Variants in LRP1B observed in about 807,000 individuals in gnomAD.
The protein encoded by LRP1B is low-density lipoprotein receptor-related protein 1B.
A neutral mutation model predicts 556.6 loss-of-function variants in LRP1B; 217 were observed. The ratio of observed to expected loss-of-function variants is 0.39; its 90% confidence interval spans 0.35 to 0.44. The LOEUF is 0.44. Among genes scored for constraint, LRP1B ranks in the 20% least tolerant of loss-of-function variants. The pLI, the probability that LRP1B is intolerant of heterozygous loss-of-function variation, is 1.00. For missense variants in LRP1B, 5,053 were observed against 5,620.8 expected (o/e 0.90, Z 3.23); for synonymous variants, 2,047 against 1,865.8 (o/e 1.10, Z -2.50).
At chr2:141,599,066 C>CCG (rs1687638410) in intron 2 of LRP1B, among the ~76,000 whole-genome samples, 1 of 78,708 alleles carries the variant, frequency 1.3e-5, no homozygotes, top group Admixed American at 1.5e-4. Flanking sequence ...CCCCCCCCCC[C>CCG]CCCCCCCCGC....
At chr2:141,902,919 G>A (rs528382232) in intron 1 of LRP1B, among the ~76,000 whole-genome samples, 1 of 151,946 alleles carries the variant, frequency 6.6e-6, no homozygotes, top group East Asian at 1.9e-4. Context: ...GCTTATAATT[G>A]CTAGCATAGA....
intron 1 of LRP1B, among the ~76,000 whole-genome samples, chr2:142,028,180 T>C (rs1170786045): frequency 6.6e-6 from 1 of 152,016 alleles, no homozygotes; most frequent in Non-Finnish European, 1.5e-5. Context: ...TTTGTTTGGT[T>C]TACTTTAAAA....
intron 7 of LRP1B, among the ~76,000 whole-genome samples, chr2:141,134,383 C>T (rs1373933976): frequency 1.3e-5 from 2 of 151,852 alleles, no homozygotes; most frequent in Admixed American, 6.6e-5. Flanking sequence ...AACCCAATCT[C>T]CTACTTGGTA....
intron 14 of LRP1B, among the ~76,000 whole-genome samples, chr2:141,011,076 AG>A (rs1697734651): frequency 1.3e-5 from 2 of 148,176 alleles, no homozygotes; most frequent in African/African-American, 2.5e-5. Flanking sequence ...TCTCTCAGAG[AG>A]AGAGAGAGAG....
intron 1 of LRP1B, among the ~76,000 whole-genome samples, chr2:142,001,604 C>A (rs1294863977): frequency 6.6e-6 from 1 of 152,180 alleles, no homozygotes; most frequent in Non-Finnish European, 1.5e-5. Flanking sequence ...AATTCAGATT[C>A]TTTCTCTTGA....
intron 1 of LRP1B, among the ~76,000 whole-genome samples, chr2:142,033,242 C>G (rs558258406): frequency 6.6e-6 from 1 of 151,642 alleles, no homozygotes; most frequent in Non-Finnish European, 1.5e-5. Context: ...TGAAATATAA[C>G]GCAATACAAT....
chr2:141,107,148 T>C (rs990254257), intron 7 of LRP1B, among the ~76,000 whole-genome samples: 2 of 152,072 alleles, frequency 1.3e-5, no homozygotes, highest in African/African-American at 4.8e-5. Flanking sequence ...AAATAAAGAA[T>C]AGGCAAAAAA....
At chr2:141,331,380 C>A (rs546931161) in intron 3 of LRP1B, among the ~76,000 whole-genome samples, 1 of 152,306 alleles carries the variant, frequency 6.6e-6, no homozygotes, top group East Asian at 1.9e-4. Flanking sequence ...CCTTTCCCCT[C>A]AAGTCCCATT....
chr2:141,022,845 T>C (rs1336858329), intron 11 of LRP1B, among the ~76,000 whole-genome samples: 2 of 151,976 alleles, frequency 1.3e-5, no homozygotes, highest in Non-Finnish European at 2.9e-5. Flanking sequence ...TATTCTACAT[T>C]ATAAAATTCA....
chr2:141,712,115 A>G (rs1161809035), intron 2 of LRP1B, among the ~76,000 whole-genome samples: 1 of 152,168 alleles, frequency 6.6e-6, no homozygotes, highest in Non-Finnish European at 1.5e-5. Context: ...TCAAATGTAT[A>G]TAAATAGTGT....
At chr2:140,374,899 T>C (rs1398251533) in intron 68 of LRP1B, among the ~76,000 whole-genome samples, 1 of 152,146 alleles carries the variant, frequency 6.6e-6, no homozygotes, top group Non-Finnish European at 1.5e-5. Context: ...CATTTAGCCA[T>C]ATAAAATATT....
chr2:141,332,144 T>C (rs1687678914), intron 3 of LRP1B, among the ~76,000 whole-genome samples: 1 of 151,920 alleles, frequency 6.6e-6, no homozygotes, highest in Non-Finnish European at 1.5e-5. Flanking sequence ...CACTGCAGAC[T>C]CCTTAAGGAC....
chr2:140,643,994 G>A (rs1684391391), intron 41 of LRP1B, among the ~76,000 whole-genome samples: 1 of 152,168 alleles, frequency 6.6e-6, no homozygotes, highest in South Asian at 2.1e-4. Flanking sequence ...ATTTAGTAGA[G>A]TGCATTGAAT....
intron 1 of LRP1B, among the ~76,000 whole-genome samples, chr2:142,014,329 T>C (rs1248887129): frequency 6.6e-6 from 1 of 152,226 alleles, no homozygotes; most frequent in Non-Finnish European, 1.5e-5. Flanking sequence ...GAAATCTGTT[T>C]GCATTTTTTA....
At chr2:141,830,602 G>A (rs1310846565) in intron 1 of LRP1B, among the ~76,000 whole-genome samples, 1 of 151,668 alleles carries the variant, frequency 6.6e-6, no homozygotes, top group Non-Finnish European at 1.5e-5. Flanking sequence ...ACTCCTACCA[G>A]TGCCTGAAAT....
At chr2:140,589,482 A>C (rs2105161384) in intron 43 of LRP1B, among the ~76,000 whole-genome samples, 1 of 152,356 alleles carries the variant, frequency 6.6e-6, no homozygotes, top group Non-Finnish European at 1.5e-5. Context: ...TGTTCATTCT[A>C]GAATCAGTAC....
intron 66 of LRP1B, among the ~76,000 whole-genome samples, chr2:140,394,162 G>A (rs1442843547): frequency 1.5e-5 from 2 of 134,190 alleles, no homozygotes; most frequent in Non-Finnish European, 3.1e-5. Context: ...TACGCACTTA[G>A]TAAATATATA....
chr2:141,553,957 A>G (rs1249706804), intron 2 of LRP1B, among the ~76,000 whole-genome samples: 1 of 138,708 alleles, frequency 7.2e-6, no homozygotes, highest in Non-Finnish European at 1.5e-5. Context: ...ATTAATAGAT[A>G]TAGATTATAT....
At chr2:141,215,875 A>G (rs1314072965) in intron 6 of LRP1B, among the ~76,000 whole-genome samples, 2 of 152,222 alleles carry the variant, frequency 1.3e-5, no homozygotes, top group African/African-American at 4.8e-5. Context: ...AGCAGAGTAT[A>G]AAAGTTTGGA....
Sources: gnomAD v4.1 joint callset for allele counts (sites outside exome capture counted in the v4.1 genomes callset) on GRCh38, gnomAD v4.1.1 for gene constraint, MANE v1.5 for transcripts, NCBI Gene and HGNC (gene_info 2026-07-23, HGNC 2026-07-21) for gene names.